GALNT13: variants seen among roughly 807,000 people sequenced by gnomAD.
GALNT13 encodes UDP-GalNAc:polypeptide N-acetylgalactosaminyltransferase 13.
GALNT13 carries 28 observed loss-of-function variants against 64.2 expected under a neutral mutation model. That is an observed-to-expected ratio of 0.44 (90% CI 0.32 to 0.60). GALNT13 has a LOEUF of 0.60. Ranked by LOEUF, GALNT13 falls within the 20% of genes least tolerant of loss-of-function variation. The pLI is 0.05. For missense variants in GALNT13, 577 were observed against 669.8 expected (o/e 0.86, Z 1.53); for synonymous variants, 214 against 224.6 (o/e 0.95, Z 0.42).
At chr2:153,304,684 T>C in the GALNT13 span, among the ~76,000 whole-genome samples, 1 of 152,172 alleles carries the variant, frequency 6.6e-6, no homozygotes, top group Non-Finnish European at 1.5e-5. Flanking sequence ...AGCTTTGTGA[T>C]TGTTTTCTAG....
At chr2:154,145,095 T>TCTAC (rs1491428615) in intron 4 of GALNT13, among the ~76,000 whole-genome samples, 1 of 126,048 alleles carries the variant, frequency 7.9e-6, no homozygotes. Flanking sequence ...TATCTATCTA[T>TCTAC]CTATCTATAT....
the GALNT13 span, among the ~76,000 whole-genome samples, chr2:153,515,691 A>C: frequency 6.6e-6 from 1 of 152,186 alleles, no homozygotes; most frequent in Non-Finnish European, 1.5e-5. Flanking sequence ...GGTGGTACCC[A>C]GTGCAGTTTA....
At chr2:153,526,080 C>T in the GALNT13 span, among the ~76,000 whole-genome samples, 1 of 152,260 alleles carries the variant, frequency 6.6e-6, no homozygotes, top group South Asian at 2.1e-4. Context: ...ACTTGAATCT[C>T]TGGCTCCTGG....
chr2:153,409,804 A>T, the GALNT13 span, among the ~76,000 whole-genome samples: 2 of 152,220 alleles, frequency 1.3e-5, no homozygotes, highest in African/African-American at 4.8e-5. Flanking sequence ...AGTATAATTA[A>T]GAATAAAAAT....
the GALNT13 span, among the ~76,000 whole-genome samples, chr2:153,244,130 AAG>A: frequency 6.7e-6 from 1 of 149,944 alleles, no homozygotes; most frequent in Non-Finnish European, 1.5e-5. Context: ...AGGGAACGAG[AAG>A]AGACAGATTC....
chr2:153,142,225 C>T, the GALNT13 span, among the ~76,000 whole-genome samples: 2 of 152,010 alleles, frequency 1.3e-5, no homozygotes, highest in East Asian at 3.9e-4. Flanking sequence ...CAGAGCAAAA[C>T]CCCTGGAGGG....
the GALNT13 span, among the ~76,000 whole-genome samples, chr2:153,658,810 G>A: frequency 6.6e-6 from 1 of 150,898 alleles, no homozygotes; most frequent in Admixed American, 6.6e-5. Flanking sequence ...AGACAATCCA[G>A]AAATTCACAT....
At chr2:154,186,788 T>A (rs1309521851) in intron 4 of GALNT13, among the ~76,000 whole-genome samples, 1 of 152,142 alleles carries the variant, frequency 6.6e-6, no homozygotes, top group South Asian at 2.1e-4. Context: ...TTTAGAAGAA[T>A]GTGTTGCATT....
chr2:153,687,284 G>C, the GALNT13 span, among the ~76,000 whole-genome samples: 1 of 151,640 alleles, frequency 6.6e-6, no homozygotes, highest in Non-Finnish European at 1.5e-5. Context: ...GGCTTTTTTT[G>C]GTTGATAAGC....
the GALNT13 span, among the ~76,000 whole-genome samples, chr2:153,423,934 G>T: frequency 9.3e-5 from 14 of 151,290 alleles, no homozygotes; most frequent in Admixed American, 2.0e-4. Context: ...AGACTATAAA[G>T]TGCCTAAAAC....
intron 3 of GALNT13, among the ~76,000 whole-genome samples, chr2:154,042,813 A>T (rs1459759782): frequency 1.3e-5 from 2 of 151,502 alleles, no homozygotes; most frequent in Non-Finnish European, 2.9e-5. Context: ...AGACTTTATT[A>T]ATTTAAATAA....
At chr2:153,294,695 A>C in the GALNT13 span, among the ~76,000 whole-genome samples, 1 of 152,188 alleles carries the variant, frequency 6.6e-6, no homozygotes, top group Non-Finnish European at 1.5e-5. Context: ...ATGGAACTAC[A>C]GGATTGAATA....
intron 4 of GALNT13, among the ~76,000 whole-genome samples, chr2:154,189,253 CAT>C (rs1686431121): frequency 6.6e-6 from 1 of 151,998 alleles, no homozygotes; most frequent in African/African-American, 2.4e-5. Context: ...ATAAATAGGA[CAT>C]ATAAAATTTA....
the GALNT13 span, among the ~76,000 whole-genome samples, chr2:153,415,200 G>T: frequency 6.6e-6 from 1 of 152,136 alleles, no homozygotes; most frequent in African/African-American, 2.4e-5. Context: ...GCCACATATA[G>T]TCTTGTATGT....
chr2:154,196,459 A>G (rs2105768537), intron 4 of GALNT13, among the ~76,000 whole-genome samples: 1 of 152,302 alleles, frequency 6.6e-6, no homozygotes, highest in South Asian at 2.1e-4. Flanking sequence ...TTTTTTATTA[A>G]TCTACTGGTG....
the GALNT13 span, among the ~76,000 whole-genome samples, chr2:153,201,409 A>G: frequency 6.6e-6 from 1 of 152,158 alleles, no homozygotes; most frequent in African/African-American, 2.4e-5. Flanking sequence ...CTGCATCCTA[A>G]TTCCTTCCCT....
chr2:153,529,488 G>A, the GALNT13 span, among the ~76,000 whole-genome samples: 6 of 151,944 alleles, frequency 3.9e-5, no homozygotes, highest in African/African-American at 1.2e-4. Context: ...AACACTTAAA[G>A]AGTAACTAAT....
At chr2:154,201,920 C>T (rs1687193240) in intron 4 of GALNT13, among the ~76,000 whole-genome samples, 1 of 152,120 alleles carries the variant, frequency 6.6e-6, no homozygotes, top group Admixed American at 6.6e-5. Flanking sequence ...CTTGATGCTT[C>T]AAGACTCAGC....
chr2:154,060,985 A>G (rs1347978098), intron 3 of GALNT13, among the ~76,000 whole-genome samples: 5 of 151,920 alleles, frequency 3.3e-5, no homozygotes, highest in Non-Finnish European at 7.4e-5. Context: ...AAGATCAACA[A>G]ATATATCAAG....
Sources: allele counts gnomAD v4.1 joint callset (sites outside exome capture counted in the v4.1 genomes callset), GRCh38; gene constraint gnomAD v4.1.1; transcripts MANE v1.5; gene names NCBI Gene and HGNC (gene_info 2026-07-23, HGNC 2026-07-21).